The following SLC25A28 variants were observed in gnomAD, a reference collection of about 807,000 sequenced individuals.
SLC25A28 encodes solute carrier family 25 member 28.
SLC25A28 carries 10 observed loss-of-function variants against 31.9 expected under a neutral mutation model. That is an observed-to-expected ratio of 0.31 (90% CI 0.19 to 0.53). SLC25A28 has a LOEUF of 0.53. SLC25A28 is among the 20% of genes least tolerant of loss of function. The pLI, the probability that SLC25A28 is intolerant of heterozygous loss-of-function variation, is 0.95. For synonymous variants in SLC25A28, 208 were observed against 203.6 expected, an observed-to-expected ratio of 1.02 and a Z score of -0.19; for missense variants, 256 against 490.3, an observed-to-expected ratio of 0.52 and a Z score of 4.51.
Position 99,613,380 on chromosome 10 carries a change from A to G in SLC25A28, c.520+316T>C. ...GCAGGACACCACCCAACTGTCAAAC[A>G]TAGACTGGGGGTAGTTCAGTGTGTC... On this transcript the variant is annotated intron_variant, in intron 2 of 3. Coordinates refer to ENST00000370495, the MANE Select transcript of SLC25A28 (RefSeq NM_031212.4). The surrounding 1 kb of genome is among the most constrained non-coding windows in gnomAD (Gnocchi z 4.9). 8.1e-7 allele frequency: 1 copy of G among 1,236,420 alleles called. No homozygotes were observed. Among genetic ancestry groups the G allele is most frequent in the Non-Finnish European group, 1.0e-6 (1 of 976,964 alleles). 76.6% of individuals were successfully genotyped at this position (1,236,420 alleles called of 1,614,324 possible). A position where few individuals can be genotyped will look rare whatever the true frequency, so the allele number is the denominator to read the frequency against.
chr10:99,637,570 A>G, the SLC25A28 span, among the ~76,000 whole-genome samples: 1 of 152,216 alleles, frequency 6.6e-6, no homozygotes, highest in Non-Finnish European at 1.5e-5. Context: ...TAGAACCGAT[A>G]AAAGAATTCA....
chr10:99,629,991 T>C, the SLC25A28 span, among the ~76,000 whole-genome samples: 6 of 152,092 alleles, frequency 3.9e-5, no homozygotes, highest in East Asian at 1.9e-4. Context: ...CTGGGCACCA[T>C]AGGGAAACCC....
At chr10:99,641,726 A>C in the SLC25A28 span, among the ~76,000 whole-genome samples, 2,364 of 150,916 alleles carry the variant, frequency 0.016, 63 homozygotes, top group African/African-American at 0.054. Context: ...TTTAATCCAT[A>C]TTGAATTAAT....
At chr10:99,656,993 A>G in the SLC25A28 span, among the ~76,000 whole-genome samples, 2 of 152,212 alleles carry the variant, frequency 1.3e-5, no homozygotes, top group Admixed American at 6.5e-5. Flanking sequence ...TGAAGGAAGT[A>G]TTGTCCAAAC....
intron 1 of SLC25A28, chr10:99,617,797 G>A (rs1040824145): frequency 5.0e-5 from 49 of 985,036 alleles, no homozygotes; most frequent in Non-Finnish European, 5.8e-5. Flanking sequence ...AGGGCTTTCA[G>A]GCATAACTGC....
chr10:99,612,494 G>T (rs1029656373), intron 3 of SLC25A28, 49 bp downstream of exon 3: 3 of 1,597,212 alleles, frequency 1.9e-6, no homozygotes, highest in Non-Finnish European at 1.7e-6. Flanking sequence ...AAACTGTAAA[G>T]AAATACAGGT....
At position 99,613,999 on chromosome 10, in the gene SLC25A28, C is replaced by T. The variant is rs1456723551; in HGVS notation, c.292-75G>A. Reference sequence around the variant, plus strand: ...CCCCACCTCAACACACTGGGCAGACCTTCTACATGGAGCTGTGCCAATCTG... The same window carrying T: ...CCCCACCTCAACACACTGGGCAGACTTTCTACATGGAGCTGTGCCAATCTG... On this transcript the variant is annotated intron_variant, in intron 1 of 3. Coordinates refer to ENST00000370495, the MANE Select transcript of SLC25A28 (RefSeq NM_031212.4). This position sits in a 1 kb window ranked among gnomAD's most constrained non-coding sequence, Gnocchi z 4.9. 2 of 1,460,738 alleles carry T rather than the reference C, an allele frequency of 1.4e-6. No homozygotes were observed. The highest frequency in any genetic ancestry group is 2.5e-5 in the East Asian group (1 of 40,612). 90.5% of individuals were successfully genotyped at this position (1,460,738 alleles called of 1,614,324 possible). A position where few individuals can be genotyped will look rare whatever the true frequency, so the allele number is the denominator to read the frequency against.
the SLC25A28 span, among the ~76,000 whole-genome samples, chr10:99,629,502 G>A: frequency 6.6e-6 from 1 of 152,140 alleles, no homozygotes; most frequent in Non-Finnish European, 1.5e-5. Context: ...TTCACACTAG[G>A]CAAAAGGTGG....
At chr10:99,626,478 G>A in the SLC25A28 span, among the ~76,000 whole-genome samples, 1 of 152,170 alleles carries the variant, frequency 6.6e-6, no homozygotes, top group African/African-American at 2.4e-5. Flanking sequence ...TCCTGAAAAA[G>A]CCGTTGAAAC....
chr10:99,655,232 C>G, the SLC25A28 span, among the ~76,000 whole-genome samples: 2 of 152,270 alleles, frequency 1.3e-5, no homozygotes, highest in Non-Finnish European at 2.9e-5. Context: ...AGGAGAATCA[C>G]TTGAACCCAG....
chr10:99,643,481 C>T, the SLC25A28 span, among the ~76,000 whole-genome samples: 227 of 152,168 alleles, frequency 1.5e-3, 3 homozygotes, highest in African/African-American at 5.2e-3. Flanking sequence ...GTCTTGCTAG[C>T]GGTCTATCAA....
upstream of SLC25A28, chr10:99,622,550 G>T: frequency 3.2e-6 from 2 of 620,574 alleles, no homozygotes; most frequent in Non-Finnish European, 4.0e-6. Flanking sequence ...TTTATTCATT[G>T]GTCATAAATG....
chr10:99,617,330 C>T, intron 1 of SLC25A28: 1 of 985,462 alleles, frequency 1.0e-6, no homozygotes. Context: ...ACTGACTTCT[C>T]ATGGTCCCTC....
chr10:99,619,958 C>T, intron 1 of SLC25A28, 87 bp downstream of exon 1: 2 of 1,360,844 alleles, frequency 1.5e-6, no homozygotes, highest in South Asian at 1.5e-5. Context: ...ATGTCGGCTC[C>T]GGCTCTCAGC....
At chr10:99,633,720 C>T in the SLC25A28 span, among the ~76,000 whole-genome samples, 1 of 151,860 alleles carries the variant, frequency 6.6e-6, no homozygotes, top group Admixed American at 6.6e-5. Context: ...CCTATCCACC[C>T]TAGTAGCTGA....
Position 99,611,411 on chromosome 10 carries a change from C to A in SLC25A28, c.578-45G>T. On this transcript the variant is annotated intron_variant, in intron 3 of 3. Coordinates refer to ENST00000370495, the MANE Select transcript of SLC25A28 (RefSeq NM_031212.4). The surrounding 1 kb of genome is among the most constrained non-coding windows in gnomAD (Gnocchi z 5.5). The stretch of plus-strand genomic sequence containing the variant: ...GGAAGGAAATGGTGACAGCAGCCAA[C>A]CGGTGATGGAGAGTATCCAGATTCA... 6.2e-7 allele frequency: 1 copy of A among 1,600,870 alleles called. No individual in the cohort carries two copies. The highest frequency in any genetic ancestry group is 1.1e-5 in the South Asian group (1 of 89,232).
chr10:99,616,205 A>G, intron 1 of SLC25A28: 4 of 985,366 alleles, frequency 4.1e-6, no homozygotes, highest in Non-Finnish European at 4.8e-6. Flanking sequence ...TAGAGAGGTA[A>G]GTGGTTTGGT....
At chr10:99,658,501 C>G in the SLC25A28 span, among the ~76,000 whole-genome samples, 1 of 152,016 alleles carries the variant, frequency 6.6e-6, no homozygotes, top group African/African-American at 2.4e-5. Context: ...CTAAGTGAAA[C>G]AATAGGCATG....
intron 1 of SLC25A28, chr10:99,618,836 T>C (rs1589998754): frequency 1.0e-6 from 1 of 985,450 alleles, no homozygotes; most frequent in South Asian, 4.7e-5. Flanking sequence ...CAAAGGGAAG[T>C]AAAAGGGATC....
Sources: allele counts gnomAD v4.1 joint callset (sites outside exome capture counted in the v4.1 genomes callset), GRCh38; gene constraint gnomAD v4.1.1; non-coding constraint Gnocchi (gnomAD v3.1); transcripts MANE v1.5; gene names NCBI Gene and HGNC (gene_info 2026-07-23, HGNC 2026-07-21).